Variants in SMIM35 observed in about 807,000 individuals in gnomAD.
The protein encoded by SMIM35 is small integral membrane protein 35.
intron 1 of SMIM35, among the ~76,000 whole-genome samples, chr11:118,017,499 A>G (rs1351183095): frequency 6.6e-6 from 1 of 152,236 alleles, no homozygotes; most frequent in Non-Finnish European, 1.5e-5. Flanking sequence ...AATAAACTAA[A>G]TAAAGAAATT....
At chr11:118,019,990 A>C (rs564580016) in intron 1 of SMIM35, among the ~76,000 whole-genome samples, 5 of 152,322 alleles carry the variant, frequency 3.3e-5, no homozygotes, top group Non-Finnish European at 1.5e-5. Flanking sequence ...TCGGCTGGGC[A>C]TGGTGTCTCA....
intron 1 of SMIM35, among the ~76,000 whole-genome samples, chr11:118,081,063 G>T (rs1391416266): frequency 6.6e-6 from 1 of 152,368 alleles, no homozygotes; most frequent in Non-Finnish European, 1.5e-5. Flanking sequence ...CTAGCACAGG[G>T]CATGGCATCC....
chr11:118,004,521 A>C lies in SMIM35; in HGVS notation c.*1889T>G, dbSNP rs1052843750. 1 of 152,300 alleles carries C rather than the reference A, an allele frequency of 6.6e-6. No individual in the cohort carries two copies. Among genetic ancestry groups the C allele is most frequent in the African/African-American group, 2.4e-5 (1 of 41,448 alleles). The allele number at this position is 152,300 out of a possible 1,614,324, so 9.4% of individuals were successfully genotyped here. ...GAGGGGAGATGATGAGTTCTGGCTTAATAATGACAAGTCATCCAAGAAAAG... is the reference window on the plus strand; with the variant it reads ...GAGGGGAGATGATGAGTTCTGGCTTCATAATGACAAGTCATCCAAGAAAAG... On this transcript the variant is annotated 3_prime_UTR_variant, in exon 5 of 5. Coordinates refer to ENST00000689828, the MANE Select transcript of SMIM35 (RefSeq NM_001394165.1).
chr11:118,040,550 G>A (rs574104398), intron 1 of SMIM35, among the ~76,000 whole-genome samples: 1 of 152,128 alleles, frequency 6.6e-6, no homozygotes, highest in Non-Finnish European at 1.5e-5. Context: ...AACAAATGCT[G>A]ATGGAATTTG....
chr11:118,072,548 T>C (rs1284249527), intron 1 of SMIM35, among the ~76,000 whole-genome samples: 3 of 151,360 alleles, frequency 2.0e-5, no homozygotes, highest in Non-Finnish European at 4.4e-5. Flanking sequence ...TAAGCAAAAA[T>C]ATCTAGGGGA....
chr11:118,010,759 C>T (rs2058145789), intron 4 of SMIM35, among the ~76,000 whole-genome samples: 1 of 152,166 alleles, frequency 6.6e-6, no homozygotes, highest in Admixed American at 6.5e-5. Flanking sequence ...GAGAAGGCAC[C>T]AAAGCGTGGC....
At chr11:118,014,799 C>T (rs2058170434) in intron 2 of SMIM35, 58 bp from the exon 3 acceptor site, 1 of 398,648 alleles carries the variant, frequency 2.5e-6, no homozygotes, top group East Asian at 3.6e-5. Context: ...AGTCCGCCAC[C>T]CTTCTAAGAA....
chr11:118,051,869 A>G (rs1944221594), intron 1 of SMIM35, among the ~76,000 whole-genome samples: 1 of 146,514 alleles, frequency 6.8e-6, no homozygotes. Context: ...CTAATACTAT[A>G]CTAATACTAA....
chr11:118,049,263 C>A (rs1944167589), intron 1 of SMIM35, among the ~76,000 whole-genome samples: 1 of 151,600 alleles, frequency 6.6e-6, no homozygotes, highest in African/African-American at 2.4e-5. Flanking sequence ...ATTTGAGACA[C>A]TGGCTGGGGA....
chr11:118,010,941 G>T (rs903875962), intron 4 of SMIM35, among the ~76,000 whole-genome samples: 1 of 152,228 alleles, frequency 6.6e-6, no homozygotes, highest in African/African-American at 2.4e-5. Context: ...CAAACCTGTG[G>T]CTGGGTTTCC....
chr11:118,061,478 G>C (rs948653396), intron 1 of SMIM35, among the ~76,000 whole-genome samples: 1 of 152,154 alleles, frequency 6.6e-6, no homozygotes, highest in Non-Finnish European at 1.5e-5. Flanking sequence ...CAGGTCCCCA[G>C]CTGGAGCTAC....
chr11:118,040,398 T>A (rs1943982111), intron 1 of SMIM35, among the ~76,000 whole-genome samples: 1 of 152,218 alleles, frequency 6.6e-6, no homozygotes, highest in South Asian at 2.1e-4. Context: ...AGGACCTTCA[T>A]AAGATTAGCA....
At chr11:118,007,171 G>T (rs553619642) in intron 4 of SMIM35, among the ~76,000 whole-genome samples, 4 of 150,506 alleles carry the variant, frequency 2.7e-5, no homozygotes, top group Non-Finnish European at 5.9e-5. Context: ...GTAGGTTCTT[G>T]GGGGCCAAAG....
At chr11:118,042,216 C>A (rs75875948) in intron 1 of SMIM35, among the ~76,000 whole-genome samples, 1 of 151,560 alleles carries the variant, frequency 6.6e-6, no homozygotes, top group South Asian at 2.1e-4. Context: ...AACTGACAAA[C>A]CTTTAGCTAA....
At chr11:118,061,879 C>T (rs188476616) in intron 1 of SMIM35, among the ~76,000 whole-genome samples, 95 of 152,248 alleles carry the variant, frequency 6.2e-4, no homozygotes, top group African/African-American at 2.2e-3. Context: ...TTGCAGCCCA[C>T]AGCAAAAGCA....
chr11:118,044,093 G>A (rs761986021), intron 1 of SMIM35, among the ~76,000 whole-genome samples: 21 of 151,994 alleles, frequency 1.4e-4, no homozygotes, highest in Non-Finnish European at 2.9e-4. Flanking sequence ...ATTATCCCCT[G>A]GAGAGAAGGA....
At chr11:118,072,103 G>A (rs1362298644) in intron 1 of SMIM35, among the ~76,000 whole-genome samples, 1 of 152,122 alleles carries the variant, frequency 6.6e-6, no homozygotes, top group East Asian at 1.9e-4. Flanking sequence ...GAAAATACTT[G>A]CTGGCTGGCT....
At chr11:118,059,251 C>G (rs1944361352) in intron 1 of SMIM35, 1 of 152,234 alleles carries the variant, frequency 6.6e-6, no homozygotes, top group Non-Finnish European at 1.5e-5. Context: ...CATGACACTG[C>G]TCCGATGTGA....
At chr11:118,064,411 G>C (rs1399152031) in intron 1 of SMIM35, among the ~76,000 whole-genome samples, 1 of 152,098 alleles carries the variant, frequency 6.6e-6, no homozygotes, top group Non-Finnish European at 1.5e-5. Context: ...GGCGGTTCTG[G>C]GTGTCATCCT....
Sources: gnomAD v4.1 joint callset for allele counts (sites outside exome capture counted in the v4.1 genomes callset) on GRCh38, gnomAD v4.1.1 for gene constraint, MANE v1.5 for transcripts, NCBI Gene and HGNC (gene_info 2026-07-23, HGNC 2026-07-21) for gene names.